Variants in CHCHD6 observed in about 807,000 individuals in gnomAD.
CHCHD6 encodes the protein MICOS complex subunit MIC25.
A neutral mutation model predicts 32.3 loss-of-function variants in CHCHD6; 28 were observed. That is an observed-to-expected ratio of 0.87 (90% CI 0.64 to 1.19). The LOEUF is 1.19. Ranked by LOEUF, CHCHD6 falls within the 50% of genes most tolerant of loss-of-function variation. CHCHD6 has a pLI of 0.00. For synonymous variants in CHCHD6, 122 were observed against 117.5 expected (o/e 1.04, Z -0.25); for missense variants, 333 against 307.0 (o/e 1.08, Z -0.63).
intron 4 of CHCHD6, among the ~76,000 whole-genome samples, chr3:126,772,830 C>T (rs1002485896): frequency 2.0e-5 from 3 of 152,148 alleles, no homozygotes; most frequent in Admixed American, 2.0e-4. Flanking sequence ...TGTCACTGGT[C>T]TATGTACTTT....
intron 4 of CHCHD6, among the ~76,000 whole-genome samples, chr3:126,796,331 C>T (rs765675977): frequency 2.0e-5 from 3 of 152,136 alleles, no homozygotes; most frequent in South Asian, 2.1e-4. Flanking sequence ...GCCTGAGCAA[C>T]AGAGTGAGAG....
chr3:126,707,855 G>C (rs540153298), intron 1 of CHCHD6, among the ~76,000 whole-genome samples: 38 of 152,362 alleles, frequency 2.5e-4, no homozygotes, highest in Non-Finnish European at 4.4e-4. Context: ...GCAACTGCCA[G>C]TTATTCCTCA....
At chr3:126,819,852 T>A (rs141829445) in intron 4 of CHCHD6, among the ~76,000 whole-genome samples, 2,744 of 152,328 alleles carry the variant, frequency 0.018, 30 homozygotes, top group Middle Eastern at 0.051. Flanking sequence ...ATTACGGGAC[T>A]TTGCTCTGAA....
chr3:126,771,840 T>TCAAAAAAAA (rs1937548549), intron 4 of CHCHD6, among the ~76,000 whole-genome samples: 2 of 152,362 alleles, frequency 1.3e-5, no homozygotes, highest in Admixed American at 1.3e-4. Context: ...GTTGTATCTT[T>TCAAAAAAAA]GTTCTCATTA....
At chr3:126,778,302 G>T (rs1455298367) in intron 4 of CHCHD6, among the ~76,000 whole-genome samples, 1 of 152,154 alleles carries the variant, frequency 6.6e-6, no homozygotes, top group African/African-American at 2.4e-5. Context: ...GGAATGGTTG[G>T]ATCAAATAGT....
At chr3:126,934,444 T>TC (rs2078448420) in intron 6 of CHCHD6, among the ~76,000 whole-genome samples, 1 of 151,730 alleles carries the variant, frequency 6.6e-6, no homozygotes, top group African/African-American at 2.4e-5. Flanking sequence ...GCTGCAGTGT[T>TC]CCGGGCACTG....
intron 5 of CHCHD6, among the ~76,000 whole-genome samples, chr3:126,865,003 TCCTC>T (rs1412959946): frequency 1.4e-5 from 2 of 144,302 alleles, no homozygotes; most frequent in African/African-American, 5.3e-5. Flanking sequence ...CACCTTTTCT[TCCTC>T]CACCACCACC....
At chr3:126,805,323 T>C (rs972783456) in intron 4 of CHCHD6, among the ~76,000 whole-genome samples, 6 of 152,146 alleles carry the variant, frequency 3.9e-5, no homozygotes, top group Non-Finnish European at 7.3e-5. Flanking sequence ...GCCCAAAATC[T>C]CCTTAAGCTG....
At chr3:126,909,991 AATC>A (rs2078063518) in intron 5 of CHCHD6, among the ~76,000 whole-genome samples, 1 of 152,184 alleles carries the variant, frequency 6.6e-6, no homozygotes, top group South Asian at 2.1e-4. Flanking sequence ...TAAAAACACA[AATC>A]AGCTGGGCAC....
At chr3:126,754,116 T>G (rs1270726399) in intron 4 of CHCHD6, among the ~76,000 whole-genome samples, 3 of 152,216 alleles carry the variant, frequency 2.0e-5, no homozygotes, top group African/African-American at 7.2e-5. Context: ...GCTGCAGTTC[T>G]TTGGATCACA....
intron 4 of CHCHD6, among the ~76,000 whole-genome samples, chr3:126,851,866 G>C (rs1941486961): frequency 6.6e-6 from 1 of 152,210 alleles, no homozygotes; most frequent in Admixed American, 6.5e-5. Flanking sequence ...TGAGGAAGCT[G>C]GAGGTCAGGA....
intron 4 of CHCHD6, among the ~76,000 whole-genome samples, chr3:126,801,963 T>C (rs1352708622): frequency 3.3e-5 from 5 of 152,154 alleles, no homozygotes; most frequent in African/African-American, 1.2e-4. Context: ...AGGTCTGGAG[T>C]GGACCTCTAG....
chr3:126,774,899 C>T (rs1349831182), intron 4 of CHCHD6, among the ~76,000 whole-genome samples: 2 of 152,134 alleles, frequency 1.3e-5, no homozygotes, highest in Non-Finnish European at 2.9e-5. Flanking sequence ...GGGGGCTTTC[C>T]TGGTTTATTC....
intron 1 of CHCHD6, among the ~76,000 whole-genome samples, chr3:126,720,584 A>C (rs1935234672): frequency 6.6e-6 from 1 of 152,248 alleles, no homozygotes; most frequent in African/African-American, 2.4e-5. Flanking sequence ...GTCAACCAGC[A>C]CATGTTTCCT....
chr3:126,886,045 A>G (rs148413398), intron 5 of CHCHD6, among the ~76,000 whole-genome samples: 1 of 152,346 alleles, frequency 6.6e-6, no homozygotes, highest in African/African-American at 2.4e-5. Context: ...TCCCGTGGGA[A>G]TGATGAGAGT....
intron 5 of CHCHD6, among the ~76,000 whole-genome samples, chr3:126,877,605 C>T (rs1010078154): frequency 6.6e-6 from 1 of 150,942 alleles, no homozygotes; most frequent in African/African-American, 2.4e-5. Context: ...TGAATACAAA[C>T]AGCATTAAAG....
intron 6 of CHCHD6, among the ~76,000 whole-genome samples, chr3:126,918,300 A>G (rs1159378681): frequency 6.6e-6 from 1 of 152,238 alleles, no homozygotes; most frequent in African/African-American, 2.4e-5. Context: ...TCTTTTAACA[A>G]CTTTGAGTAA....
At chr3:126,733,935 C>G (rs950492615) in intron 4 of CHCHD6, among the ~76,000 whole-genome samples, 1 of 152,172 alleles carries the variant, frequency 6.6e-6, no homozygotes, top group African/African-American at 2.4e-5. Flanking sequence ...GCTTCTCTTC[C>G]TGCCACTCTG....
At chr3:126,838,603 G>T (rs900091727) in intron 4 of CHCHD6, among the ~76,000 whole-genome samples, 3 of 152,202 alleles carry the variant, frequency 2.0e-5, no homozygotes, top group Non-Finnish European at 4.4e-5. Context: ...GTCCAAGCTG[G>T]CTTATGGAAG....
Sources: gnomAD v4.1 joint callset for allele counts (sites outside exome capture counted in the v4.1 genomes callset) on GRCh38, gnomAD v4.1.1 for gene constraint, MANE v1.5 for transcripts, NCBI Gene and HGNC (gene_info 2026-07-23, HGNC 2026-07-21) for gene names.